Variants in DLK2 observed in about 807,000 individuals in gnomAD.
DLK2 encodes the protein delta like non-canonical Notch ligand 2.
Under a neutral mutation model 31.3 loss-of-function variants are expected in DLK2, and 9 were observed. That is an observed-to-expected ratio of 0.29 (90% CI 0.17 to 0.50). The LOEUF is 0.50. Among genes scored for constraint, DLK2 ranks in the 20% least tolerant of loss-of-function variants. The pLI, the probability that DLK2 is intolerant of heterozygous loss-of-function variation, is 0.98. For synonymous variants in DLK2, 169 were observed against 201.2 expected (o/e 0.84, Z 1.35); for missense variants, 387 against 526.1 (o/e 0.74, Z 2.59).
In DLK2 at chr6:43,450,852, T is replaced by G. The variant is rs1783683648; in HGVS notation, c.839A>C (p.His280Pro). ...CCGCAGCAGACCAGCCCCTGCGCTG[T>G]GGGGGGCTGGCCCCGTGGCAGGTAC... ...VVVPATGPAP[H>P]SAGAGLLRIS... The change falls in exon 6 of 6, where the codon CAC becomes CCC. Residue 280 changes from histidine to proline, a missense_variant. By Grantham distance (77) the His-to-Pro change is moderately conservative (BLOSUM62 -2). Transcript: ENST00000372488. This position sits in a 1 kb window ranked among gnomAD's most constrained non-coding sequence, Gnocchi z 4.5. The G allele has an allele frequency of 6.2e-7, 1 of 1,614,090 alleles. No homozygotes were observed. Among genetic ancestry groups the G allele is most frequent in the Non-Finnish European group, 8.5e-7 (1 of 1,179,998 alleles).
Position 43,453,985 on chromosome 6 carries a change from A to C in DLK2, c.140+426T>G, listed in dbSNP as rs950014791. ...TTTCCTCCTGCTACAGAATTTGCCC[A>C]ATCTCCCAGTGAGTCAACTACTCAA... On this transcript the variant is annotated intron_variant, in intron 3 of 5. Transcript: ENST00000372488. The surrounding 1 kb of genome is among the most constrained non-coding windows in gnomAD (Gnocchi z 4.1). 2.0e-5 allele frequency among the ~76,000 whole-genome samples: 3 copies of C among 152,138 alleles called. No homozygotes were observed. The highest frequency in any genetic ancestry group is 1.3e-4 in the Admixed American group (2 of 15,280).
intron 1 of DLK2, 119 bp from the exon 2 acceptor site, chr6:43,454,999 G>A: frequency 7.8e-7 from 1 of 1,289,646 alleles, no homozygotes; most frequent in Non-Finnish European, 1.0e-6. Flanking sequence ...GGGGATGGGG[G>A]TAGCGGGAGG....
rs777349286 is a variant in DLK2, at chr6:43,451,934, A to T, written c.416+6T>A. ...CTTCCACTCACCCTGAGGGCCCAGC[A>T]CTCACCCTGCCTGTTCACAGGGTCC... is the stretch of plus-strand genomic sequence containing the variant. On this transcript the variant is annotated splice_donor_region_variant and intron_variant, in intron 5 of 5. Coordinates refer to ENST00000372488, the MANE Select transcript of DLK2 (RefSeq NM_023932.4). This position sits in a 1 kb window ranked among gnomAD's most constrained non-coding sequence, Gnocchi z 4.4. 9 of 1,613,450 alleles carry T rather than the reference A, an allele frequency of 5.6e-6. No individual in the cohort carries two copies. In the South Asian group the frequency reaches 9.9e-5, roughly 18 times the overall value.
Position 43,450,494 on chromosome 6 carries a change from G to T in DLK2, c.*45C>A. 1 of 1,519,334 alleles carries T rather than the reference G, an allele frequency of 6.6e-7. No individual in the cohort carries two copies. The highest frequency in any genetic ancestry group is 1.3e-5 in the South Asian group (1 of 75,296). The allele number at this position is 1,519,334 out of a possible 1,614,324, so 94.1% of individuals were successfully genotyped here. A position where few individuals can be genotyped will look rare whatever the true frequency, so the allele number is the denominator to read the frequency against. ...GTGAGAACGGACCACTCCAGTCTGA[G>T]GGGTGGAAGAGGTGAGGAAGGGGGC... is the stretch of plus-strand genomic sequence containing the variant. On this transcript the variant is annotated 3_prime_UTR_variant, in exon 6 of 6. Transcript: ENST00000372488. This position sits in a 1 kb window ranked among gnomAD's most constrained non-coding sequence, Gnocchi z 4.5.
Position 43,455,173 on chromosome 6 carries a change from A to G in DLK2, c.-56+222T>C. ...TAGTCAGGACGGAGGGGTCCGCGGG[A>G]TGGGGACAGCGCCGAGAGGCGGCCT... On this transcript the variant is annotated intron_variant, in intron 1 of 5. Transcript: ENST00000372488. The G allele has an allele frequency of 3.6e-6, 3 of 833,052 alleles. No individual in the cohort carries two copies. The South Asian group carries it at 1.6e-4, about 46-fold the overall frequency. The allele number at this position is 833,052 out of a possible 1,614,324, so 51.6% of individuals were successfully genotyped here. A position where few individuals can be genotyped will look rare whatever the true frequency, so the allele number is the denominator to read the frequency against.
At position 43,450,737 on chromosome 6, in the gene DLK2, A is replaced by G. The variant is rs760309007; in HGVS notation, c.954T>C (p.Ala318=). Residue 318 remains alanine, a synonymous_variant, in exon 6 of 6, where the codon GCT becomes GCC. Transcript: ENST00000372488. This position sits in a 1 kb window ranked among gnomAD's most constrained non-coding sequence, Gnocchi z 4.5. ...GCAACACAGTAGCCAGAACCAGGGC[A>G]GCAGTGAGGGCCCCAAACACCACCA... is the stretch of plus-strand genomic sequence containing the variant. The part of the protein sequence containing the change: ...VALVVFGALT[A]ALVLATVLLT... The G allele has an allele frequency of 1.9e-6, 3 of 1,614,194 alleles. No individual in the cohort carries two copies. The highest frequency in any genetic ancestry group is 3.3e-5 in the Admixed American group (2 of 60,032).
At chr6:43,454,305 A>T in intron 3 of DLK2, 106 bp downstream of exon 3, 1 of 1,065,532 alleles carries the variant, frequency 9.4e-7, no homozygotes, top group South Asian at 1.5e-5. Flanking sequence ...CATAGGAGTG[A>T]TGAGGCATGA....
At chr6:43,452,229 GACA>G (rs754417791) in intron 4 of DLK2, 145 bp from the exon 5 acceptor site, 27 of 1,206,240 alleles carry the variant, frequency 2.2e-5, no homozygotes, top group Non-Finnish European at 2.6e-5. Context: ...GCTAGGGAGA[GACA>G]ACAACACTGA....
intron 1 of DLK2, 141 bp downstream of exon 1, chr6:43,455,254 G>T: frequency 4.6e-6 from 1 of 215,758 alleles, no homozygotes; most frequent in Non-Finnish European, 8.4e-6. Context: ...GCAGCGAGCA[G>T]TCTCCGCCCC....
intron 1 of DLK2, chr6:43,455,113 G>C: frequency 2.0e-6 from 2 of 984,430 alleles, no homozygotes; most frequent in Non-Finnish European, 2.4e-6. Flanking sequence ...ATCGCGGAGC[G>C]AGGCCAGGCG....
At chr6:43,456,521 GCCTGGCCAACATGGTGAAA>G (rs1308683088), upstream of DLK2, 1 of 152,194 alleles carries the variant, frequency 6.6e-6, no homozygotes, top group Non-Finnish European at 1.5e-5. Context: ...TTCGAGACCA[GCCTGGCCAACATGGTGAAA>G]CCCGTCTCTA....
In DLK2 at chr6:43,450,518, G is replaced by C. The variant is rs1322341552; in HGVS notation, c.*21C>G. 1 of 1,527,630 alleles carries C rather than the reference G, an allele frequency of 6.5e-7. No individual in the cohort carries two copies. Among genetic ancestry groups the C allele is most frequent in the East Asian group, 2.3e-5 (1 of 44,144 alleles). The allele number at this position is 1,527,630 out of a possible 1,614,324, so 94.6% of individuals were successfully genotyped here. ...AGGGGTGGAAGAGGTGAGGAAGGGGGCCAGAAAGCCCCCACCTCCATCACA... is the reference window on the plus strand; with the variant it reads ...AGGGGTGGAAGAGGTGAGGAAGGGGCCCAGAAAGCCCCCACCTCCATCACA... On this transcript the variant is annotated 3_prime_UTR_variant, in exon 6 of 6. Coordinates refer to ENST00000372488, the MANE Select transcript of DLK2 (RefSeq NM_023932.4). The surrounding 1 kb of genome is among the most constrained non-coding windows in gnomAD (Gnocchi z 4.5).
intron 1 of DLK2, 118 bp downstream of exon 1, chr6:43,455,277 G>GC (rs572751222): frequency 0.047 from 6,012 of 128,054 alleles, 244 homozygotes; most frequent in Admixed American, 0.1. Context: ...AGCTCCGACA[G>GC]CCCCCCCCCC....
chr6:43,454,605 C>A, intron 2 of DLK2, 131 bp from the exon 3 acceptor site: 1 of 1,338,970 alleles, frequency 7.5e-7, no homozygotes, highest in Non-Finnish European at 1.0e-6. Context: ...AACACAGAAA[C>A]TCATCCCATT....
At position 43,450,557 on chromosome 6, in the gene DLK2, T is replaced by C. The variant is rs1270473215; in HGVS notation, c.1134A>G (p.Gly378=). The change falls in exon 6 of 6, where the codon GGA becomes GGG. Residue 378 remains glycine (G), a synonymous_variant. Transcript: ENST00000372488. This position sits in a 1 kb window ranked among gnomAD's most constrained non-coding sequence, Gnocchi z 4.5. ...ACCTCCATCACAGTGCTGTGGTCTT[T>C]CCAGGCTCAGGGGGCAAGTCACGTG... is the stretch of plus-strand genomic sequence containing the variant. ...PLPRDLPPEP[G]KTTAL 1 of 1,566,300 alleles carries C rather than the reference T, an allele frequency of 6.4e-7. No individual in the cohort carries two copies. Among genetic ancestry groups the C allele is most frequent in the Non-Finnish European group, 8.7e-7 (1 of 1,154,618 alleles).
chr6:43,450,857 G>C lies in DLK2; in HGVS notation c.834C>G (p.Ala278=). The C allele has an allele frequency of 6.2e-7, 1 of 1,614,192 alleles. No individual in the cohort carries two copies. Among genetic ancestry groups the C allele is most frequent in the Non-Finnish European group, 8.5e-7 (1 of 1,180,014 alleles). Residue 278 remains alanine (A), a synonymous_variant, in exon 6 of 6, where the codon GCC becomes GCG. Coordinates refer to ENST00000372488, the MANE Select transcript of DLK2 (RefSeq NM_023932.4). This position sits in a 1 kb window ranked among gnomAD's most constrained non-coding sequence, Gnocchi z 4.5. The part of the protein sequence containing the change: ...SAVVVPATGP[A]PHSAGAGLLR... ...GCAGACCAGCCCCTGCGCTGTGGGG[G>C]GCTGGCCCCGTGGCAGGTACCACTA...
upstream of DLK2, chr6:43,455,597 G>T (rs1370847080): frequency 6.7e-6 from 1 of 149,004 alleles, no homozygotes; most frequent in Non-Finnish European, 1.5e-5. Flanking sequence ...CCTCGCGCGC[G>T]CTCAGGCCCC....
chr6:43,455,217 G>A, intron 1 of DLK2, 178 bp downstream of exon 1: 1 of 397,622 alleles, frequency 2.5e-6, no homozygotes, highest in Non-Finnish European at 3.4e-6. Context: ...GAGGGGACGC[G>A]GGGGCCGGAG....
upstream of DLK2, chr6:43,456,562 G>GA (rs1215991706): frequency 6.6e-6 from 1 of 152,096 alleles, no homozygotes; most frequent in Non-Finnish European, 1.5e-5. Context: ...TAAAAATACA[G>GA]AAATTAGCCA....
Sources: allele counts gnomAD v4.1 joint callset (sites outside exome capture counted in the v4.1 genomes callset), GRCh38; gene constraint gnomAD v4.1.1; non-coding constraint Gnocchi (gnomAD v3.1); transcripts MANE v1.5; gene names NCBI Gene and HGNC (gene_info 2026-07-23, HGNC 2026-07-21).